The following LPAR5 variants were observed in gnomAD, a reference collection of about 807,000 sequenced individuals.
LPAR5 encodes the protein G protein-coupled receptor 92.
For synonymous variants in LPAR5, 271 were observed against 261.6 expected (o/e 1.04, Z -0.35); for missense variants, 544 against 521.8 (o/e 1.04, Z -0.41).
At chr12:6,622,315 C>CCTG (rs1361955295) in intron 1 of LPAR5, among the ~76,000 whole-genome samples, 1 of 151,666 alleles carries the variant, frequency 6.6e-6, no homozygotes, top group African/African-American at 2.4e-5. Context: ...GTAATCCCAG[C>CCTG]TACTCAGGGG....
At chr12:6,623,008 C>T (rs1253702164) in intron 1 of LPAR5, among the ~76,000 whole-genome samples, 6 of 151,822 alleles carry the variant, frequency 4.0e-5, no homozygotes, top group Admixed American at 6.6e-5. Context: ...GAGACTGAGG[C>T]GGGCAGATCA....
Position 6,621,019 on chromosome 12 carries a change from A to ACGGGCAG in LPAR5, c.223_229dup (p.Val77AlafsTer165). ...GTGCAGTGCGTAGTAGGAGAGACGAACGGGCAGCGAGAGGGTGAAGAGCAG... is the reference window on the plus strand; with the variant it reads ...GTGCAGTGCGTAGTAGGAGAGACGAACGGGCAGCGGGCAGCGAGAGGGTGAAGAGCAG... On this transcript the variant is annotated frameshift_variant, in exon 2 of 2. Coordinates refer to ENST00000329858, the MANE Select transcript of LPAR5 (RefSeq NM_020400.6). LOFTEE classifies it low-confidence loss of function (END_TRUNC). The ACGGGCAG allele has an allele frequency of 6.2e-7, 1 of 1,611,834 alleles. No homozygotes were observed. Among genetic ancestry groups the ACGGGCAG allele is most frequent in the Non-Finnish European group, 8.5e-7 (1 of 1,178,754 alleles).
At chr12:6,622,222 G>A (rs551213270) in intron 1 of LPAR5, among the ~76,000 whole-genome samples, 18 of 151,714 alleles carry the variant, frequency 1.2e-4, no homozygotes, top group Non-Finnish European at 1.8e-4. Flanking sequence ...TCAGGAGTTC[G>A]AGACCAGCTT....
At chr12:6,635,076 G>T (rs889780887) in intron 1 of LPAR5, among the ~76,000 whole-genome samples, 1 of 146,886 alleles carries the variant, frequency 6.8e-6, no homozygotes, top group African/African-American at 2.5e-5. Context: ...GACAAAGGGA[G>T]ACTCTGTCTC....
intron 1 of LPAR5, among the ~76,000 whole-genome samples, chr12:6,626,289 T>G (rs537100798): frequency 1.3e-5 from 2 of 151,718 alleles, no homozygotes; most frequent in African/African-American, 2.4e-5. Context: ...AAAGAAAAAA[T>G]TTTTTCATAG....
In LPAR5 at chr12:6,619,538, A is replaced by G. The variant is rs1332374151; in HGVS notation, c.*592T>C. The G allele has an allele frequency of 1.2e-5, 2 of 171,176 alleles. No homozygotes were observed. Among genetic ancestry groups the G allele is most frequent in the Admixed American group, 5.8e-5 (1 of 17,168 alleles). The allele number at this position is 171,176 out of a possible 1,614,324, so 10.6% of individuals were successfully genotyped here. A position where few individuals can be genotyped will look rare whatever the true frequency, so the allele number is the denominator to read the frequency against. ...TCTAAGTTAGTTTTGCCTTGCCCCA[A>G]CTATCCCATGCTGGATGCCAAGTCT... On this transcript the variant is annotated 3_prime_UTR_variant, in exon 2 of 2. Coordinates refer to ENST00000329858, the MANE Select transcript of LPAR5 (RefSeq NM_020400.6).
At position 6,627,480 on chromosome 12, in the gene LPAR5, A is replaced by G. The variant is rs1440428523; in HGVS notation, c.-216-6016T>C. Among the ~76,000 whole-genome samples the G allele has an allele frequency of 8.2e-5, 12 of 147,206 alleles. No individual in the cohort carries two copies. The Admixed American group carries it at 8.2e-4, about 10-fold the overall frequency. ...GTGGCAGGTGCCTGTAATCCCAACTACTCGGGAGGCTGAGGCAGGAGAATT... is the reference window on the plus strand; with the variant it reads ...GTGGCAGGTGCCTGTAATCCCAACTGCTCGGGAGGCTGAGGCAGGAGAATT... On this transcript the variant is annotated intron_variant, in intron 1 of 1. Coordinates refer to ENST00000329858, the MANE Select transcript of LPAR5 (RefSeq NM_020400.6).
chr12:6,625,185 G>A (rs948474766), intron 1 of LPAR5, among the ~76,000 whole-genome samples: 1 of 152,032 alleles, frequency 6.6e-6, no homozygotes, highest in African/African-American at 2.4e-5. Context: ...CAGCACTTTG[G>A]GAGGCCGAGG....
intron 1 of LPAR5, among the ~76,000 whole-genome samples, chr12:6,623,892 G>A (rs1278867632): frequency 1.4e-5 from 2 of 144,990 alleles, no homozygotes; most frequent in Admixed American, 6.9e-5. Context: ...CCCGGGAGGC[G>A]GAGGTTGCAG....
rs745712870 is a variant in LPAR5 at position 6,620,925 on chromosome 12, G to C, written c.324C>G (p.Ser108Arg). 4 of 1,605,490 alleles carry C rather than the reference G, an allele frequency of 2.5e-6. No homozygotes were observed. Among genetic ancestry groups the C allele is most frequent in the Non-Finnish European group, 3.4e-6 (4 of 1,176,346 alleles). ...CGTTGATGAGCATCAGGAAGATGCA[G>C]CTGCCGTACATGTTCATCTGGAAGA... The part of the protein sequence containing the change: ...GAIFQMNMYG[S>R]CIFLMLINVD... Residue 108 changes from serine (S) to arginine (R), a missense_variant, in exon 2 of 2, where the codon AGC (serine) becomes AGG (arginine). By Grantham distance (110) the Ser-to-Arg change is moderately radical (BLOSUM62 -1). Transcript: ENST00000329858. The surrounding 1 kb of genome is among the most constrained non-coding windows in gnomAD (Gnocchi z 6.8).
intron 1 of LPAR5, among the ~76,000 whole-genome samples, chr12:6,623,551 G>GAGAGAT (rs553434521): frequency 7.5e-4 from 113 of 151,008 alleles, no homozygotes; most frequent in African/African-American, 2.3e-3. Flanking sequence ...GAGAGAGAGA[G>GAGAGAT]AGAGAGAATT....
At position 6,621,051 on chromosome 12, in the gene LPAR5, G is replaced by T; in HGVS notation, c.198C>A (p.Ala66=). ...VVSVYMCNLA[A]SDLLFTLSLP... ...GCGAGAGGGTGAAGAGCAGGTCGCT[G>T]GCCGCCAGGTTACACATGTACACGC... The change falls in exon 2 of 2, where the codon GCC becomes GCA. Residue 66 remains alanine, a synonymous_variant. Coordinates refer to ENST00000329858, the MANE Select transcript of LPAR5 (RefSeq NM_020400.6). 1 of 1,606,324 alleles carries T rather than the reference G, an allele frequency of 6.2e-7. No individual in the cohort carries two copies. The highest frequency in any genetic ancestry group is 8.5e-7 in the Non-Finnish European group (1 of 1,175,252).
At chr12:6,625,367 G>A (rs1360655546) in intron 1 of LPAR5, among the ~76,000 whole-genome samples, 1 of 136,244 alleles carries the variant, frequency 7.3e-6, no homozygotes, top group African/African-American at 2.8e-5. Context: ...GGAGCTTGCA[G>A]TGAGCCGAGA....
In LPAR5 at chr12:6,620,256, T is replaced by C; in HGVS notation, c.993A>G (p.Gln331=). Residue 331 remains glutamine, a synonymous_variant, in exon 2 of 2, where the codon CAA becomes CAG. Coordinates refer to ENST00000329858, the MANE Select transcript of LPAR5 (RefSeq NM_020400.6). This position sits in a 1 kb window ranked among gnomAD's most constrained non-coding sequence, Gnocchi z 6.8. ...CGGTGGTGACGGCGGACCTTTCGGA[T>C]TGCGCGAGCGCCGCCCGCGTCCCGT... ...ATNGTRAALA[Q]SERSAVTTDA... The C allele has an allele frequency of 1.2e-6, 2 of 1,608,664 alleles. No individual in the cohort carries two copies. Among genetic ancestry groups the C allele is most frequent in the East Asian group, 2.2e-5 (1 of 44,682 alleles).
Position 6,621,187 on chromosome 12 carries a change from G to A in LPAR5, c.62C>T (p.Thr21Ile). 1 of 1,557,610 alleles carries A rather than the reference G, an allele frequency of 6.4e-7. No individual in the cohort carries two copies. The highest frequency in any genetic ancestry group is 1.4e-5 in the African/African-American group (1 of 73,190). ...SVLPCPDYRP[T>I]HRLHLVVYSL... ...GTAGACCACCAAGTGCAGGCGGTGG[G>A]TAGGTCGGTAGTCAGGACACGGGAG... The change falls in exon 2 of 2, where the codon ACC becomes ATC. Residue 21 changes from threonine to isoleucine, a missense_variant. Transcript: ENST00000329858.
intron 1 of LPAR5, among the ~76,000 whole-genome samples, chr12:6,623,953 C>T (rs1948913943): frequency 1.3e-5 from 2 of 152,152 alleles, no homozygotes; most frequent in Admixed American, 6.5e-5. Context: ...GAGTGAGACT[C>T]CATGTCAGAC....
At chr12:6,623,540 TGAGAGAGA>T (rs145690337) in intron 1 of LPAR5, among the ~76,000 whole-genome samples, 2 of 141,858 alleles carry the variant, frequency 1.4e-5, no homozygotes, top group African/African-American at 5.2e-5. Context: ...TCTCAAAAAA[TGAGAGAGA>T]GAGAGAGAGA....
chr12:6,625,534 A>T (rs548042909), intron 1 of LPAR5, among the ~76,000 whole-genome samples: 93 of 151,326 alleles, frequency 6.1e-4, no homozygotes, highest in Middle Eastern at 6.8e-3. Context: ...ATCCTGGCTA[A>T]CATGGTGAAA....
chr12:6,625,253 G>A lies in LPAR5; in HGVS notation c.-216-3789C>T, dbSNP rs549768673. On this transcript the variant is annotated intron_variant, in intron 1 of 1. Coordinates refer to ENST00000329858, the MANE Select transcript of LPAR5 (RefSeq NM_020400.6). The stretch of plus-strand genomic sequence containing the variant: ...ATCCTGGCTAACACGGTGAAATCTC[G>A]TCTCTTTTAAAAATGCAAAAAATTA... Among the ~76,000 whole-genome samples, 5 of 151,248 alleles carry A rather than the reference G, an allele frequency of 3.3e-5. No individual in the cohort carries two copies. In the East Asian group the frequency reaches 7.9e-4, roughly 24 times the overall value.
Sources: allele counts gnomAD v4.1 joint callset (sites outside exome capture counted in the v4.1 genomes callset), GRCh38; gene constraint gnomAD v4.1.1; non-coding constraint Gnocchi (gnomAD v3.1); transcripts MANE v1.5; gene names NCBI Gene and HGNC (gene_info 2026-07-23, HGNC 2026-07-21).